The following DCAF6 variants were observed in gnomAD, a reference collection of about 807,000 sequenced individuals.
The protein encoded by DCAF6 is DDB1 and CUL4 associated factor 6, also known as DDB1- and CUL4-associated factor 6.
DCAF6 carries 54 observed loss-of-function variants against 125.1 expected under a neutral mutation model. That is an observed-to-expected ratio of 0.43 (90% CI 0.35 to 0.54). The LOEUF (loss-of-function observed/expected upper bound fraction) is 0.54. Among genes scored for constraint, DCAF6 ranks in the 20% least tolerant of loss-of-function variants. The pLI, the probability that DCAF6 is intolerant of heterozygous loss-of-function variation, is 0.01. For missense variants in DCAF6, 934 were observed against 1,161.7 expected (o/e 0.80, Z 2.85); for synonymous variants, 371 against 390.4 (o/e 0.95, Z 0.58).
chr1:167,947,445 C>T (rs1378264268), intron 1 of DCAF6, among the ~76,000 whole-genome samples: 2 of 151,296 alleles, frequency 1.3e-5, no homozygotes, highest in Admixed American at 6.6e-5. Flanking sequence ...TCTGGTTCCT[C>T]GAGGTGCGTT....
chr1:168,013,756 T>C (rs1244511243), intron 10 of DCAF6, among the ~76,000 whole-genome samples: 1 of 152,056 alleles, frequency 6.6e-6, no homozygotes, highest in African/African-American at 2.4e-5. Flanking sequence ...TTATTATTAT[T>C]ATTATTTTTT....
chr1:168,033,363 C>T (rs1482291264), intron 12 of DCAF6, among the ~76,000 whole-genome samples: 4 of 142,248 alleles, frequency 2.8e-5, no homozygotes, highest in Non-Finnish European at 6.0e-5. Flanking sequence ...GGCCGGACTG[C>T]GGACTGCAGT....
upstream of DCAF6, among the ~76,000 whole-genome samples, chr1:167,932,503 A>G (rs1202963070): frequency 6.6e-6 from 1 of 152,066 alleles, no homozygotes; most frequent in East Asian, 1.9e-4. Flanking sequence ...TGTTTTCCTT[A>G]ACTAAGCTTT....
the DCAF6 span, chr1:167,870,407 C>G: frequency 6.2e-7 from 1 of 1,606,936 alleles, no homozygotes; most frequent in Non-Finnish European, 8.5e-7. Context: ...CTCTTTATTA[C>G]GTCCTGTTAT....
At chr1:167,966,363 T>C (rs1438088507) in intron 2 of DCAF6, among the ~76,000 whole-genome samples, 2 of 152,242 alleles carry the variant, frequency 1.3e-5, no homozygotes, top group Admixed American at 6.5e-5. Context: ...TCATAAACTT[T>C]CTTAAAACAT....
Position 167,961,335 on chromosome 1 carries a change from C to T in DCAF6, c.160-5294C>T, listed in dbSNP as rs538059527. Among the ~76,000 whole-genome samples the T allele has an allele frequency of 9.2e-5, 14 of 152,218 alleles. No individual in the cohort carries two copies. The East Asian group carries it at 1.5e-3, about 17-fold the overall frequency. On this transcript the variant is annotated intron_variant, in intron 2 of 21. Coordinates refer to ENST00000367840, the MANE Select transcript of DCAF6 (RefSeq NM_001198956.2). Reference sequence around the variant, plus strand: ...TCGGCTCAATGCAAGCTCCGCCTCCCGGGTTCATGCCATTCTTCTGCCTCA... The same window carrying T: ...TCGGCTCAATGCAAGCTCCGCCTCCTGGGTTCATGCCATTCTTCTGCCTCA...
the DCAF6 span, chr1:167,880,055 C>T: frequency 3.4e-6 from 5 of 1,454,608 alleles, no homozygotes; most frequent in Admixed American, 9.2e-5. Flanking sequence ...TCCCGCAAAG[C>T]CCAGTGGCAA....
rs1689012118 is a variant in DCAF6 at position 168,045,192 on chromosome 1, C to A, written c.2223C>A (p.Ile741=). 6.2e-7 allele frequency: 1 copy of A among 1,613,428 alleles called. No individual in the cohort carries two copies. Residue 741 remains isoleucine (I), a synonymous_variant, in exon 16 of 22, where the codon ATC becomes ATA. Coordinates refer to ENST00000367840, the MANE Select transcript of DCAF6 (RefSeq NM_001198956.2). ...TDDSDDDPVL[I]PGARYRAGPG... Reference sequence around the variant, plus strand: ...ACAGTGATGATGACCCAGTCCTGATCCCAGGTGCAAGGTATCGAGCAGGAC... The same window carrying A: ...ACAGTGATGATGACCCAGTCCTGATACCAGGTGCAAGGTATCGAGCAGGAC...
intron 2 of DCAF6, among the ~76,000 whole-genome samples, chr1:167,956,981 C>G (rs1313188577): frequency 6.6e-6 from 1 of 151,986 alleles, no homozygotes; most frequent in Non-Finnish European, 1.5e-5. Flanking sequence ...AGAATGTTGT[C>G]TCTATTGGTA....
At position 168,015,845 on chromosome 1, in the gene DCAF6, G is replaced by A. The variant is rs968818537; in HGVS notation, c.1443G>A (p.Lys481=). Residue 481 remains lysine, a synonymous_variant, in exon 11 of 22, where the codon AAG becomes AAA. Transcript: ENST00000367840. ...RKRLQQLRLK[K]AEQQRQQELA... ...GCCTGCAACAACTGAGGCTTAAGAA[G>A]GCTGAGCAGCAGAGGCAGCAAGAGC... The A allele has an allele frequency of 7.1e-6, 11 of 1,539,464 alleles. No individual in the cohort carries two copies. The highest frequency in any genetic ancestry group is 1.4e-5 in the African/African-American group (1 of 72,408).
At chr1:167,925,237 G>T in the DCAF6 span, among the ~76,000 whole-genome samples, 2 of 151,580 alleles carry the variant, frequency 1.3e-5, no homozygotes, top group African/African-American at 4.8e-5. Flanking sequence ...CCAGTTATTT[G>T]TAAATCTATG....
intron 16 of DCAF6, among the ~76,000 whole-genome samples, chr1:168,045,550 T>G (rs1408815675): frequency 6.6e-6 from 1 of 152,218 alleles, no homozygotes; most frequent in Non-Finnish European, 1.5e-5. Flanking sequence ...TATACTTAGC[T>G]CTCAGATTAT....
chr1:167,876,460 C>T, the DCAF6 span, among the ~76,000 whole-genome samples: 1 of 152,094 alleles, frequency 6.6e-6, no homozygotes, highest in East Asian at 1.9e-4. Context: ...ATGGATTATG[C>T]CCTTCTCTGA....
intron 21 of DCAF6, among the ~76,000 whole-genome samples, chr1:168,069,884 A>G (rs547491747): frequency 6.6e-6 from 1 of 152,336 alleles, no homozygotes; most frequent in African/African-American, 2.4e-5. Context: ...AATAACAGCA[A>G]GTAACCCTTA....
chr1:168,073,066 C>T (rs1693326029), intron 21 of DCAF6, among the ~76,000 whole-genome samples: 1 of 152,118 alleles, frequency 6.6e-6, no homozygotes, highest in South Asian at 2.1e-4. Flanking sequence ...GTCCCAGCTA[C>T]TCGGGAGGGC....
chr1:167,866,213 G>A, the DCAF6 span, among the ~76,000 whole-genome samples: 54 of 152,194 alleles, frequency 3.5e-4, no homozygotes, highest in African/African-American at 1.3e-3. Context: ...TTTCACCCTG[G>A]CATTTCATCA....
chr1:168,030,972 G>A (rs1178421414), intron 12 of DCAF6, among the ~76,000 whole-genome samples: 1 of 152,206 alleles, frequency 6.6e-6, no homozygotes, highest in Non-Finnish European at 1.5e-5. Flanking sequence ...GGGCGGGGAC[G>A]TGTAGGGGTA....
intron 2 of DCAF6, among the ~76,000 whole-genome samples, chr1:167,953,529 TGCCTG>T (rs1674303098): frequency 6.6e-6 from 1 of 152,234 alleles, no homozygotes; most frequent in East Asian, 1.9e-4. Flanking sequence ...TCAACAGGAA[TGCCTG>T]AAACAGATGT....
chr1:167,928,130 C>T, the DCAF6 span, among the ~76,000 whole-genome samples: 1 of 152,052 alleles, frequency 6.6e-6, no homozygotes, highest in Non-Finnish European at 1.5e-5. Context: ...GGGCGGATCA[C>T]GAGGTCAGAA....
Sources: allele counts gnomAD v4.1 joint callset (sites outside exome capture counted in the v4.1 genomes callset), GRCh38; gene constraint gnomAD v4.1.1; transcripts MANE v1.5; gene names NCBI Gene and HGNC (gene_info 2026-07-23, HGNC 2026-07-21).